Variants in LRRC27 observed in about 807,000 individuals in gnomAD.
LRRC27 encodes the protein leucine-rich repeat-containing protein 27.
In LRRC27, 57 loss-of-function variants were observed where a neutral mutation model predicts 55.0. The observed-to-expected ratio is 1.04, with a 90% CI of 0.84 to 1.29. The LOEUF (loss-of-function observed/expected upper bound fraction) is 1.29. Among genes scored for constraint, LRRC27 ranks in the 50% most tolerant of loss-of-function variants. The pLI, the probability that LRRC27 is intolerant of heterozygous loss-of-function variation, is 0.00. For missense variants in LRRC27, 721 were observed against 651.5 expected, an observed-to-expected ratio of 1.11 and a Z score of -1.16; for synonymous variants, 278 against 251.9, an observed-to-expected ratio of 1.10 and a Z score of -0.98.
intron 9 of LRRC27, 53 bp from the exon 10 acceptor site, chr10:132,365,371 A>G (rs1429418071): frequency 6.2e-7 from 1 of 1,603,874 alleles, no homozygotes; most frequent in African/African-American, 1.3e-5. Context: ...GGGAGTTGCT[A>G]GGATGAGAGT....
intron 8 of LRRC27, among the ~76,000 whole-genome samples, chr10:132,360,198 C>T (rs147048088): frequency 3.3e-5 from 5 of 152,280 alleles, no homozygotes; most frequent in African/African-American, 1.2e-4. Flanking sequence ...CAGGTTCAAG[C>T]GATTTTCCTG....
At chr10:132,355,941 G>C in intron 8 of LRRC27, 55 bp downstream of exon 8, 1 of 1,246,934 alleles carries the variant, frequency 8.0e-7, no homozygotes, top group Non-Finnish European at 1.1e-6. Flanking sequence ...GGGTGGGTGG[G>C]TGCTCACAGG....
In LRRC27 at chr10:132,333,724, C is replaced by T. The variant is rs751979515; in HGVS notation, c.200C>T (p.Pro67Leu). ...CGTTTGGAGGAGGTCTTTAGAATCC[C>T]CAGCCTTCAAGTAAGTGGGGCTGCT... ...LCRLEEVFRI[P>L]SLQQLHLQRN... Residue 67 changes from proline to leucine, a missense_variant, in exon 2 of 11, where the codon CCC becomes CTC. By Grantham distance (98) the Pro-to-Leu change is moderately conservative. Transcript: ENST00000368614. The T allele has an allele frequency of 3.7e-6, 6 of 1,612,746 alleles. No homozygotes were observed. Among genetic ancestry groups the T allele is most frequent in the Non-Finnish European group, 5.1e-6 (6 of 1,179,928 alleles).
chr10:132,381,300 G>A lies in LRRC27; in HGVS notation c.*6058G>A, dbSNP rs1207487903. 6.6e-6 allele frequency among the ~76,000 whole-genome samples: 1 copy of A among 151,902 alleles called. No individual in the cohort carries two copies. The highest frequency in any genetic ancestry group is 1.9e-4 in the East Asian group (1 of 5,172). ...CAAGTTCTTTAGCTTTTGGACTCTT[G>A]GACCTACACTGGTGTTTTGCCAGGG... On this transcript the variant is annotated 3_prime_UTR_variant, in exon 11 of 11. Transcript: ENST00000368614.
At chr10:132,336,735 GGATC>G in intron 2 of LRRC27, 1 of 758,754 alleles carries the variant, frequency 1.3e-6, no homozygotes, top group African/African-American at 1.7e-5. Flanking sequence ...ACCTAGATGT[GGATC>G]CAGGCAGTCT....
intron 4 of LRRC27, among the ~76,000 whole-genome samples, chr10:132,344,273 TTTTA>T (rs1337533012): frequency 3.9e-5 from 6 of 152,212 alleles, no homozygotes; most frequent in Non-Finnish European, 1.5e-5. Flanking sequence ...GTTTGTTTGA[TTTTA>T]TTTATTTGTT....
At chr10:132,370,587 C>G (rs549451118) in intron 10 of LRRC27, among the ~76,000 whole-genome samples, 1 of 152,342 alleles carries the variant, frequency 6.6e-6, no homozygotes, top group South Asian at 2.1e-4. Flanking sequence ...CTCCTCTGTC[C>G]CGCTGCCTCT....
Position 132,340,430 on chromosome 10 carries a change from G to C in LRRC27, c.342-1783G>C, listed in dbSNP as rs1400145925. Among the ~76,000 whole-genome samples, 4 of 152,110 alleles carry C rather than the reference G, an allele frequency of 2.6e-5. No individual in the cohort carries two copies. In the South Asian group the frequency reaches 8.3e-4, roughly 32 times the overall value. ...CACGTGAGTGGGCCAGAACCTTTCTGCCTTGACAAAGCCCTAGCATTGGAG... is the reference window on the plus strand; with the variant it reads ...CACGTGAGTGGGCCAGAACCTTTCTCCCTTGACAAAGCCCTAGCATTGGAG... On this transcript the variant is annotated intron_variant, in intron 3 of 10. Coordinates refer to ENST00000368614, the MANE Select transcript of LRRC27 (RefSeq NM_030626.3).
intron 4 of LRRC27, among the ~76,000 whole-genome samples, chr10:132,343,797 A>T (rs1037616189): frequency 6.6e-6 from 1 of 152,222 alleles, no homozygotes; most frequent in African/African-American, 2.4e-5. Context: ...TCAGATTGGG[A>T]AACGCCACAG....
intron 8 of LRRC27, among the ~76,000 whole-genome samples, chr10:132,357,143 C>CATCTT (rs1256809104): frequency 1.3e-5 from 2 of 152,224 alleles, no homozygotes; most frequent in Non-Finnish European, 2.9e-5. Context: ...CTGATGGTGA[C>CATCTT]ATCTTACATA....
intron 5 of LRRC27, among the ~76,000 whole-genome samples, chr10:132,345,876 A>G (rs1306107956): frequency 2.0e-5 from 3 of 152,348 alleles, no homozygotes; most frequent in Non-Finnish European, 4.4e-5. Flanking sequence ...GACTAAAGGA[A>G]TAGGAAACTG....
Position 132,348,949 on chromosome 10 carries a change from C to T in LRRC27, c.926+593C>T. 1 of 1,581,238 alleles carries T rather than the reference C, an allele frequency of 6.3e-7. No individual in the cohort carries two copies. The highest frequency in any genetic ancestry group is 8.6e-7 in the Non-Finnish European group (1 of 1,160,496). On this transcript the variant is annotated intron_variant, in intron 6 of 10. Coordinates refer to ENST00000368614, the MANE Select transcript of LRRC27 (RefSeq NM_030626.3). This position sits in a 1 kb window ranked among gnomAD's most constrained non-coding sequence, Gnocchi z 4.2. ...AGTTTGGGGGCCGAGATTTTATTTT[C>T]CTTTCACACCCAGGACAAGGGTCCC...
At chr10:132,349,810 C>T (rs1263271718) in intron 6 of LRRC27, among the ~76,000 whole-genome samples, 1 of 152,168 alleles carries the variant, frequency 6.6e-6, no homozygotes. Context: ...TGGGTGGGCC[C>T]TGAGTGTTGT....
rs754317642 is a variant in LRRC27 at position 132,365,426 on chromosome 10, C to T, written c.1292C>T (p.Ala431Val). Reference sequence around the variant, plus strand: ...CCTCTTTGCCCTTTGTTTCTCAGTGCCCTGCAGGAGAGAAATTTAGAAGAG... The same window carrying T: ...CCTCTTTGCCCTTTGTTTCTCAGTGTCCTGCAGGAGAGAAATTTAGAAGAG... Reference protein sequence around the residue: ...KSPQASKEMSALQERNLEEKI... With the variant: ...KSPQASKEMSVLQERNLEEKI... Residue 431 changes from alanine to valine, a missense_variant and splice_region_variant, in exon 10 of 11, where the codon GCC becomes GTC. Transcript: ENST00000368614. The T allele has an allele frequency of 2.5e-6, 4 of 1,613,406 alleles. No homozygotes were observed. Among genetic ancestry groups the T allele is most frequent in the Admixed American group, 3.3e-5 (2 of 60,006 alleles).
chr10:132,364,151 G>C (rs1007015737), intron 9 of LRRC27, among the ~76,000 whole-genome samples: 43 of 151,992 alleles, frequency 2.8e-4, no homozygotes, highest in Admixed American at 5.9e-4. Context: ...CTGTTCTGTA[G>C]AACTCCAGAG....
Position 132,333,677 on chromosome 10 carries a change from C to A in LRRC27, c.153C>A (p.Asp51Glu), listed in dbSNP as rs760604444. 3 of 1,613,724 alleles carry A rather than the reference C, an allele frequency of 1.9e-6. No homozygotes were observed. Among genetic ancestry groups the A allele is most frequent in the Middle Eastern group, 1.7e-4 (1 of 5,814 alleles). The change falls in exon 2 of 11, where the codon GAC (aspartate) becomes GAA (glutamate). Residue 51 changes from aspartate to glutamate, a missense_variant. Asp to Glu is a conservative substitution (Grantham distance 45). Coordinates refer to ENST00000368614, the MANE Select transcript of LRRC27 (RefSeq NM_030626.3). ...TCTTTTCCTCCTCACCGATTTTAGA[C>A]TTGAGTGAAAGTGGTCTGTGCCGTT... Reference protein sequence around the residue: ...GIIFSSSPILDLSESGLCRLE... With the variant: ...GIIFSSSPILELSESGLCRLE...
chr10:132,349,921 C>T (rs966136695), intron 6 of LRRC27, among the ~76,000 whole-genome samples: 9 of 152,172 alleles, frequency 5.9e-5, no homozygotes, highest in African/African-American at 2.2e-4. Flanking sequence ...ATTATCAGGG[C>T]CTCAGTTTCC....
intron 9 of LRRC27, among the ~76,000 whole-genome samples, chr10:132,365,108 G>C (rs1216759229): frequency 6.6e-6 from 1 of 152,250 alleles, no homozygotes. Context: ...GGTGCAGTGT[G>C]CAGTGTCCTA....
intron 8 of LRRC27, among the ~76,000 whole-genome samples, chr10:132,360,681 A>G (rs1311535297): frequency 2.0e-5 from 3 of 152,204 alleles, no homozygotes; most frequent in Non-Finnish European, 4.4e-5. Flanking sequence ...GCCTGGAAAT[A>G]CATTTGGAGG....
Sources: gnomAD v4.1 joint callset for allele counts (sites outside exome capture counted in the v4.1 genomes callset) on GRCh38, gnomAD v4.1.1 for gene constraint, Gnocchi (gnomAD v3.1) non-coding constraint, MANE v1.5 for transcripts, NCBI Gene and HGNC (gene_info 2026-07-23, HGNC 2026-07-21) for gene names.